Variants in MARK4 observed in about 807,000 individuals in gnomAD.
MARK4 encodes the protein MAP/microtubule affinity-regulating kinase 4.
In MARK4, 19 loss-of-function variants were observed where a neutral mutation model predicts 81.5. That is an observed-to-expected ratio of 0.23 (90% CI 0.16 to 0.34). MARK4 has a LOEUF of 0.34. Among genes scored for constraint, MARK4 ranks in the 10% least tolerant of loss-of-function variants. MARK4 has a pLI of 1.00. For synonymous variants in MARK4, 436 were observed against 439.0 expected, an observed-to-expected ratio of 0.99 and a Z score of 0.08; for missense variants, 772 against 1,058.8, an observed-to-expected ratio of 0.73 and a Z score of 3.76.
At chr19:45,292,454 G>C (rs1228582879) in intron 13 of MARK4, among the ~76,000 whole-genome samples, 2 of 152,176 alleles carry the variant, frequency 1.3e-5, no homozygotes, top group African/African-American at 4.8e-5. Flanking sequence ...TGAGGATCTT[G>C]TAAGATCTCA....
At chr19:45,278,425 G>A in intron 9 of MARK4, 91 bp from the exon 10 acceptor site, 1 of 1,128,146 alleles carries the variant, frequency 8.9e-7, no homozygotes, top group Admixed American at 1.7e-5. Context: ...TGGGTGTTAG[G>A]CCTCGGAGGT....
At chr19:45,282,917 A>G (rs1970695163) in intron 12 of MARK4, among the ~76,000 whole-genome samples, 1 of 151,570 alleles carries the variant, frequency 6.6e-6, no homozygotes, top group South Asian at 2.1e-4. Context: ...ACTTGAACCC[A>G]GGAGATCGAG....
Position 45,285,193 on chromosome 19 carries a change from A to C in MARK4, c.1277-2254A>C, listed in dbSNP as rs544348129. Among the ~76,000 whole-genome samples, 11 of 138,158 alleles carry C rather than the reference A, an allele frequency of 8.0e-5. No homozygotes were observed. In the South Asian group the frequency reaches 2.2e-3, roughly 27 times the overall value. The allele number at this position is 138,158 out of a possible 152,430, so 90.6% of individuals were successfully genotyped here. On this transcript the variant is annotated intron_variant, in intron 12 of 16. Coordinates refer to ENST00000262891, the MANE Select transcript of MARK4 (RefSeq NM_001199867.2). ...AGGATGGTTTGAGCCTGGGAGGCCG[A>C]GGTTGCAATGAGTCCAGATCGTGCC...
At chr19:45,288,004 C>T (rs908454037) in intron 13 of MARK4, 76 of 314,390 alleles carry the variant, frequency 2.4e-4, no homozygotes, top group African/African-American at 1.5e-3. Context: ...TTTGGGAGGC[C>T]GAGGCGGGAG....
rs185288572 is a variant in MARK4 at position 45,261,570 on chromosome 19, A to C, written c.253-1543A>C. Reference sequence around the variant, plus strand: ...TTCCATGAAGAACACATGGTTCCCTATATGTGGATCTGGTTCCAGGGGTTT... The same window carrying C: ...TTCCATGAAGAACACATGGTTCCCTCTATGTGGATCTGGTTCCAGGGGTTT... On this transcript the variant is annotated intron_variant, in intron 2 of 16. Transcript: ENST00000262891. Among the ~76,000 whole-genome samples the C allele has an allele frequency of 8.1e-4, 123 of 152,298 alleles. 1 individual carries two copies. Among genetic ancestry groups the C allele is most frequent in the African/African-American group, 2.9e-3 (120 of 41,566 alleles).
At chr19:45,268,168 C>T (rs917955097) in intron 7 of MARK4, among the ~76,000 whole-genome samples, 6 of 152,108 alleles carry the variant, frequency 3.9e-5, no homozygotes. Context: ...GAGGACCAGG[C>T]GCAGTCTCAC....
In MARK4 at chr19:45,278,518, A is replaced by T; in HGVS notation, c.909A>T (p.Gln303His). 1 of 1,613,974 alleles carries T rather than the reference A, an allele frequency of 6.2e-7. No individual in the cohort carries two copies. The highest frequency in any genetic ancestry group is 8.5e-7 in the Non-Finnish European group (1 of 1,179,900). ...LNPAKRCTLE[Q>H]IMKDKWINIG... ...TTCCCTGCTCCTGATGCCTGCAGCAAATCATGAAAGACAAATGGATCAACA... is the reference window on the plus strand; with the variant it reads ...TTCCCTGCTCCTGATGCCTGCAGCATATCATGAAAGACAAATGGATCAACA... The change falls in exon 10 of 17, where the codon CAA (glutamine) becomes CAT (histidine). Residue 303 changes from glutamine (Q) to histidine (H), a missense_variant and splice_region_variant. This residue lies in a region of MARK4 where 109 missense variants were observed against 294.7 expected (regional missense o/e 0.37). Transcript: ENST00000262891.
chr19:45,262,580 G>T (rs1055091524), intron 2 of MARK4, among the ~76,000 whole-genome samples: 2 of 152,148 alleles, frequency 1.3e-5, no homozygotes, highest in African/African-American at 4.8e-5. Context: ...TCAAGGTCTC[G>T]TCCATGCCCA....
intron 1 of MARK4, among the ~76,000 whole-genome samples, chr19:45,258,513 A>G (rs1388887390): frequency 4.6e-5 from 7 of 151,998 alleles, no homozygotes; most frequent in Non-Finnish European, 1.0e-4. Context: ...CAGCTTAGTC[A>G]ACATGGTGAA....
At chr19:45,267,804 G>C (rs961628398) in intron 7 of MARK4, among the ~76,000 whole-genome samples, 1 of 151,920 alleles carries the variant, frequency 6.6e-6, no homozygotes, top group South Asian at 2.1e-4. Context: ...GGAACCACAG[G>C]TGTGAGCCAC....
chr19:45,266,026 G>A (rs1037494554), intron 6 of MARK4, among the ~76,000 whole-genome samples, 199 bp from the exon 7 acceptor site: 3 of 151,932 alleles, frequency 2.0e-5, no homozygotes, highest in Non-Finnish European at 4.4e-5. Context: ...CCTGGGCATG[G>A]GGGTGTCCTG....
chr19:45,292,737 G>A (rs1970835401), intron 13 of MARK4, among the ~76,000 whole-genome samples: 1 of 151,926 alleles, frequency 6.6e-6, no homozygotes, highest in African/African-American at 2.4e-5. Flanking sequence ...TAAGTGTTGT[G>A]GCACATGCCT....
chr19:45,252,440 G>A (rs1206757174), intron 1 of MARK4, among the ~76,000 whole-genome samples: 1 of 151,964 alleles, frequency 6.6e-6, no homozygotes, highest in Admixed American at 6.6e-5. Context: ...CTGACTCCAG[G>A]CCTCATCCGC....
chr19:45,288,853 A>AAAG (rs1312042928), intron 13 of MARK4, among the ~76,000 whole-genome samples: 1 of 150,112 alleles, frequency 6.7e-6, no homozygotes. Flanking sequence ...CTGTCTCAAA[A>AAAG]AAAAAAAAAA....
intron 12 of MARK4, among the ~76,000 whole-genome samples, chr19:45,280,939 G>T (rs75816342): frequency 1.3e-5 from 2 of 152,040 alleles, no homozygotes; most frequent in Non-Finnish European, 2.9e-5. Context: ...GATTAAAACC[G>T]GAAAAGCAGC....
chr19:45,260,360 G>A (rs12981324), intron 2 of MARK4, among the ~76,000 whole-genome samples: 64,931 of 146,800 alleles, frequency 0.44, 15,551 homozygotes, highest in Non-Finnish European at 0.55. Flanking sequence ...ACTGTATTCC[G>A]CCTGGGCAAC....
intron 8 of MARK4, among the ~76,000 whole-genome samples, chr19:45,274,196 C>T (rs906582452): frequency 2.0e-5 from 3 of 151,848 alleles, no homozygotes; most frequent in Non-Finnish European, 2.9e-5. Flanking sequence ...TTGGAGTGAG[C>T]GGAGATCTCG....
At chr19:45,252,321 C>G (rs1970254582) in intron 1 of MARK4, among the ~76,000 whole-genome samples, 1 of 152,136 alleles carries the variant, frequency 6.6e-6, no homozygotes, top group African/African-American at 2.4e-5. Context: ...CCGGGGCCCC[C>G]AGATGCCACC....
Position 45,269,370 on chromosome 19 carries a change from C to T in MARK4, c.550-2102C>T, listed in dbSNP as rs111593698. On this transcript the variant is annotated intron_variant, in intron 7 of 16. Transcript: ENST00000262891. Reference sequence around the variant, plus strand: ...CTCCAACCTGGGTGACAGAGTGAGACTCCATCTCAAAAATAAAAAATAAGA... The same window carrying T: ...CTCCAACCTGGGTGACAGAGTGAGATTCCATCTCAAAAATAAAAAATAAGA... Among the ~76,000 whole-genome samples the T allele has an allele frequency of 2.2e-3, 341 of 152,260 alleles. 3 individuals carry two copies. The highest frequency in any genetic ancestry group is 7.7e-3 in the African/African-American group (319 of 41,562).
Sources: allele counts gnomAD v4.1 joint callset (sites outside exome capture counted in the v4.1 genomes callset), GRCh38; gene constraint gnomAD v4.1.1; regional missense constraint gnomAD v4.1.1; transcripts MANE v1.5; gene names NCBI Gene and HGNC (gene_info 2026-07-23, HGNC 2026-07-21).